RAP1GAP: variants seen among roughly 807,000 people sequenced by gnomAD.
The protein encoded by RAP1GAP is RAP1 GTPase activating protein.
RAP1GAP carries 35 observed loss-of-function variants against 87.2 expected under a neutral mutation model. The observed-to-expected ratio is 0.40, with a 90% CI of 0.31 to 0.53. The LOEUF (loss-of-function observed/expected upper bound fraction) is 0.53, where lower values mean the gene tolerates loss of function less well. Ranked by LOEUF, RAP1GAP falls within the 20% of genes least tolerant of loss-of-function variation. The probability of loss-of-function intolerance (pLI) is 0.48; values close to 1 mark genes in which losing one functional copy is unlikely to be tolerated. For missense variants in RAP1GAP, 734 were observed against 898.9 expected, an observed-to-expected ratio of 0.82 and a Z score of 2.35; for synonymous variants, 375 against 363.9, an observed-to-expected ratio of 1.03 and a Z score of -0.35.
chr1:21,645,571 C>A (rs2095971382), intron 2 of RAP1GAP, among the ~76,000 whole-genome samples: 1 of 152,220 alleles, frequency 6.6e-6, no homozygotes, highest in Admixed American at 6.5e-5. Context: ...AGCATCCATG[C>A]CCCTGTCCCC....
At chr1:21,626,824 A>C (rs1461335144) in intron 2 of RAP1GAP, 8 of 449,740 alleles carry the variant, frequency 1.8e-5, no homozygotes, top group Non-Finnish European at 3.6e-5. Flanking sequence ...ATTACGAATG[A>C]CAGTGACCGT....
At chr1:21,661,579 A>G (rs2097156533) in intron 1 of RAP1GAP, among the ~76,000 whole-genome samples, 3 of 152,242 alleles carry the variant, frequency 2.0e-5, no homozygotes, top group African/African-American at 4.8e-5. Context: ...GTCCATTTTC[A>G]TAACCTCTCA....
At chr1:21,630,999 A>C in intron 2 of RAP1GAP, among the ~76,000 whole-genome samples, 1 of 147,474 alleles carries the variant, frequency 6.8e-6, no homozygotes, top group Non-Finnish European at 1.5e-5. Context: ...CACCCCTCCA[A>C]TCCCCTTCTT....
chr1:21,619,890 C>T (rs1402149086), intron 4 of RAP1GAP, 125 bp downstream of exon 4: 4 of 1,008,026 alleles, frequency 4.0e-6, no homozygotes, highest in Non-Finnish European at 4.6e-6. Context: ...AACCAATAGC[C>T]ACCATCTTCT....
rs1346620431 is a variant in RAP1GAP at position 21,609,447 on chromosome 1, G to C, written c.1071+128C>G. ...ATGGAAAAGCCAGGCCCCGGTTGCAGTTAGGGGAGCCCAGCTGCCCTGGCA... is the reference window on the plus strand; with the variant it reads ...ATGGAAAAGCCAGGCCCCGGTTGCACTTAGGGGAGCCCAGCTGCCCTGGCA... On this transcript the variant is annotated intron_variant, in intron 15 of 24. Coordinates refer to ENST00000374765, the MANE Select transcript of RAP1GAP (RefSeq NM_002885.4). This position sits in a 1 kb window ranked among gnomAD's most constrained non-coding sequence, Gnocchi z 4.4. 3.7e-6 allele frequency: 2 copies of C among 543,266 alleles called. No individual in the cohort carries two copies. Among genetic ancestry groups the C allele is most frequent in the Non-Finnish European group, 3.2e-6 (1 of 314,512 alleles). 33.7% of individuals were successfully genotyped at this position (543,266 alleles called of 1,614,324 possible).
intron 19 of RAP1GAP, 108 bp downstream of exon 19, chr1:21,602,696 G>T: frequency 1.1e-6 from 1 of 950,404 alleles, no homozygotes; most frequent in Non-Finnish European, 1.5e-6. Context: ...TAGTGGGGAT[G>T]GAGAGGCAGA....
intron 21 of RAP1GAP, 71 bp downstream of exon 21, chr1:21,599,423 G>A: frequency 6.5e-7 from 1 of 1,546,802 alleles, no homozygotes; most frequent in Non-Finnish European, 8.7e-7. Context: ...GTTCTACTCA[G>A]GGCATCTCCA....
In RAP1GAP at chr1:21,609,676, T is replaced by G; in HGVS notation, c.1000-30A>C. 1 of 1,525,578 alleles carries G rather than the reference T, an allele frequency of 6.6e-7. No individual in the cohort carries two copies. Among genetic ancestry groups the G allele is most frequent in the Non-Finnish European group, 8.8e-7 (1 of 1,131,290 alleles). 94.5% of individuals were successfully genotyped at this position (1,525,578 alleles called of 1,614,324 possible). ...AAGGGAGGGCAGCTGTCTGTTCCTG[T>G]GGAGCCTGGGGTCTGCTCTGCCCCA... On this transcript the variant is annotated intron_variant, in intron 14 of 24. Coordinates refer to ENST00000374765, the MANE Select transcript of RAP1GAP (RefSeq NM_002885.4). This position sits in a 1 kb window ranked among gnomAD's most constrained non-coding sequence, Gnocchi z 4.4.
rs755945914 is a variant in RAP1GAP at position 21,661,184 on chromosome 1, C to T, written c.-149+8070G>A. ...CAAGAATCGCTTGAATCCAGGAGGC[C>T]GAGGTTGCACTGAGCTGAGATCGCA... is the stretch of plus-strand genomic sequence containing the variant. On this transcript the variant is annotated intron_variant, in intron 1 of 24. Transcript: ENST00000374765. Among the ~76,000 whole-genome samples the T allele has an allele frequency of 2.2e-3, 329 of 150,936 alleles. 1 individual carries two copies. Among genetic ancestry groups the T allele is most frequent in the Non-Finnish European group, 3.8e-3 (261 of 67,868 alleles).
intron 2 of RAP1GAP, among the ~76,000 whole-genome samples, chr1:21,635,140 GC>G (rs2094478582): frequency 6.6e-6 from 1 of 152,126 alleles, no homozygotes; most frequent in African/African-American, 2.4e-5. Flanking sequence ...TCTGCCCCCT[GC>G]CCACGTCCAC....
chr1:21,604,119 C>G (rs777757407), intron 18 of RAP1GAP, among the ~76,000 whole-genome samples: 1 of 151,818 alleles, frequency 6.6e-6, no homozygotes, highest in Non-Finnish European at 1.5e-5. Flanking sequence ...AGACAGAGGA[C>G]AAGGGAGACG....
intron 1 of RAP1GAP, among the ~76,000 whole-genome samples, chr1:21,652,123 G>GC (rs1346596679): frequency 2.3e-5 from 1 of 42,728 alleles, no homozygotes; most frequent in Non-Finnish European, 4.4e-5. Context: ...CCCGGCCGCC[G>GC]CCCCCCGTCC....
chr1:21,654,179 C>G (rs1460273772), intron 1 of RAP1GAP, among the ~76,000 whole-genome samples: 1 of 152,212 alleles, frequency 6.6e-6, no homozygotes, highest in African/African-American at 2.4e-5. Context: ...GCTCCTGGTC[C>G]TTTGGTGACG....
intron 10 of RAP1GAP, chr1:21,612,900 C>T: frequency 2.0e-6 from 1 of 501,678 alleles, no homozygotes; most frequent in South Asian, 2.4e-5. Flanking sequence ...CAGGAGGGTC[C>T]CCAAACATCA....
intron 1 of RAP1GAP, among the ~76,000 whole-genome samples, chr1:21,665,740 C>T (rs2097321246): frequency 6.6e-6 from 1 of 152,218 alleles, no homozygotes; most frequent in African/African-American, 2.4e-5. Context: ...CTGCAGCCCA[C>T]TGCCCTTGGG....
chr1:21,601,930 C>T, intron 19 of RAP1GAP, 133 bp from the exon 20 acceptor site: 2 of 585,860 alleles, frequency 3.4e-6, no homozygotes, highest in Admixed American at 6.1e-5. Context: ...AGGGCCAGCC[C>T]TGGAGCAGTC....
rs1206172548 is a variant in RAP1GAP, at chr1:21,596,998, G to A, written c.*301C>T. On this transcript the variant is annotated 3_prime_UTR_variant, in exon 25 of 25. Transcript: ENST00000374765. ...CTCAGGGGTGATGGAGGCCCAGGGA[G>A]GGGGCAAGCCAGACCCCCAGTCCTG... 6.6e-6 allele frequency: 1 copy of A among 152,398 alleles called. No homozygotes were observed. Among genetic ancestry groups the A allele is most frequent in the East Asian group, 1.9e-4 (1 of 5,178 alleles). The allele number at this position is 152,398 out of a possible 1,614,324, so 9.4% of individuals were successfully genotyped here. A position where few individuals can be genotyped will look rare whatever the true frequency, so the allele number is the denominator to read the frequency against.
intron 18 of RAP1GAP, among the ~76,000 whole-genome samples, chr1:21,604,272 A>T (rs1011939793): frequency 2.0e-5 from 3 of 151,896 alleles, no homozygotes; most frequent in Non-Finnish European, 4.4e-5. Flanking sequence ...GAGACAGAGA[A>T]GGAAGCCAGG....
intron 2 of RAP1GAP, chr1:21,627,046 C>T (rs1333642002): frequency 6.6e-6 from 3 of 454,936 alleles, no homozygotes; most frequent in South Asian, 1.6e-5. Flanking sequence ...CTGCCCACAC[C>T]ACACCCTTCC....
Sources: allele counts gnomAD v4.1 joint callset (sites outside exome capture counted in the v4.1 genomes callset), GRCh38; gene constraint gnomAD v4.1.1; non-coding constraint Gnocchi (gnomAD v3.1); transcripts MANE v1.5; gene names NCBI Gene and HGNC (gene_info 2026-07-23, HGNC 2026-07-21).